LURAP1L: variants seen among roughly 807,000 people sequenced by gnomAD.
The protein encoded by LURAP1L is leucine rich adaptor protein 1 like, also known as leucine rich adaptor protein 1-like.
In LURAP1L, 12 loss-of-function variants were observed where a neutral mutation model predicts 13.8. That is an observed-to-expected ratio of 0.87 (90% CI 0.56 to 1.41). The LOEUF (loss-of-function observed/expected upper bound fraction) is 1.41. Among genes scored for constraint, LURAP1L ranks in the 40% most tolerant of loss-of-function variants. The probability of loss-of-function intolerance (pLI) is 0.00; values close to 1 mark genes in which losing one functional copy is unlikely to be tolerated. For missense variants in LURAP1L, 375 were observed against 292.9 expected, an observed-to-expected ratio of 1.28 and a Z score of -2.04; for synonymous variants, 139 against 119.2, an observed-to-expected ratio of 1.17 and a Z score of -1.08.
At chr9:12,819,340 C>T (rs1217541622) in intron 1 of LURAP1L, among the ~76,000 whole-genome samples, 2 of 152,080 alleles carry the variant, frequency 1.3e-5, no homozygotes, top group African/African-American at 2.4e-5. Flanking sequence ...TCTTTTGAAA[C>T]CTGTACAATC....
At chr9:12,814,105 G>A (rs1347654485) in intron 1 of LURAP1L, among the ~76,000 whole-genome samples, 2 of 152,130 alleles carry the variant, frequency 1.3e-5, no homozygotes. Context: ...ATGTGTGTGT[G>A]TGCATGTTTA....
Position 12,802,544 on chromosome 9 carries a change from C to T in LURAP1L, c.313-18842C>T, listed in dbSNP as rs559814379. Among the ~76,000 whole-genome samples the T allele has an allele frequency of 3.5e-4, 53 of 152,294 alleles. No homozygotes were observed. The South Asian group carries it at 3.9e-3, about 11-fold the overall frequency. The stretch of plus-strand genomic sequence containing the variant: ...GGCCTCTCCAGAAGCTGAGCAGATA[C>T]CAGCTTCAGCTTCCTGTGCAGCCTT... On this transcript the variant is annotated intron_variant, in intron 1 of 1. Transcript: ENST00000319264.
At chr9:12,783,266 G>T (rs1586875037) in intron 1 of LURAP1L, among the ~76,000 whole-genome samples, 1 of 151,792 alleles carries the variant, frequency 6.6e-6, no homozygotes, top group East Asian at 1.9e-4. Flanking sequence ...TGATGAAGTG[G>T]GCATCCTCCT....
intron 1 of LURAP1L, among the ~76,000 whole-genome samples, chr9:12,811,476 G>C (rs1435801800): frequency 2.0e-5 from 3 of 152,182 alleles, no homozygotes; most frequent in Admixed American, 6.5e-5. Context: ...GGAAAGAAAA[G>C]CTGTCCTCCT....
chr9:12,802,548 C>G (rs1293319338), intron 1 of LURAP1L, among the ~76,000 whole-genome samples: 3 of 152,208 alleles, frequency 2.0e-5, no homozygotes, highest in Admixed American at 6.5e-5. Flanking sequence ...CAGATACCAG[C>G]TTCAGCTTCC....
intron 1 of LURAP1L, among the ~76,000 whole-genome samples, chr9:12,777,047 A>G (rs1045632375): frequency 1.3e-5 from 2 of 152,154 alleles, no homozygotes; most frequent in East Asian, 1.9e-4. Flanking sequence ...AGAGAAAATA[A>G]TTTCATTAAA....
At chr9:12,803,029 A>T (rs1819608402) in intron 1 of LURAP1L, among the ~76,000 whole-genome samples, 1 of 152,170 alleles carries the variant, frequency 6.6e-6, no homozygotes, top group Non-Finnish European at 1.5e-5. Flanking sequence ...TCTCTGCTGC[A>T]TTACCACATA....
intron 1 of LURAP1L, among the ~76,000 whole-genome samples, chr9:12,808,530 T>C (rs573127410): frequency 1.4e-4 from 22 of 152,256 alleles, no homozygotes; most frequent in African/African-American, 5.3e-4. Flanking sequence ...GTCTTTTTTT[T>C]TAAGACGGGA....
chr9:12,800,728 T>C (rs777872879), intron 1 of LURAP1L, among the ~76,000 whole-genome samples: 2 of 152,202 alleles, frequency 1.3e-5, no homozygotes, highest in Non-Finnish European at 2.9e-5. Context: ...CTGCCGTGAT[T>C]CTAAGTTTCC....
chr9:12,803,980 T>A (rs1413795160), intron 1 of LURAP1L, among the ~76,000 whole-genome samples: 1 of 152,218 alleles, frequency 6.6e-6, no homozygotes, highest in Non-Finnish European at 1.5e-5. Context: ...GACAGAAACC[T>A]ATTAAAAATA....
At chr9:12,809,903 T>C (rs1819713406) in intron 1 of LURAP1L, among the ~76,000 whole-genome samples, 1 of 152,202 alleles carries the variant, frequency 6.6e-6, no homozygotes, top group African/African-American at 2.4e-5. Flanking sequence ...CCTGCAGTTC[T>C]TTTTGCTGTA....
intron 1 of LURAP1L, among the ~76,000 whole-genome samples, chr9:12,801,826 G>A (rs921475537): frequency 6.6e-6 from 1 of 152,168 alleles, no homozygotes; most frequent in Admixed American, 6.5e-5. Flanking sequence ...GTAATACTGG[G>A]TTTATAGGGA....
chr9:12,783,840 T>A (rs1259051398), intron 1 of LURAP1L, among the ~76,000 whole-genome samples: 24 of 151,642 alleles, frequency 1.6e-4, no homozygotes, highest in Non-Finnish European at 2.9e-5. Context: ...TTTTTTTTTT[T>A]TTAATAATTT....
At chr9:12,797,948 T>C (rs760271368) in intron 1 of LURAP1L, among the ~76,000 whole-genome samples, 13 of 152,144 alleles carry the variant, frequency 8.5e-5, no homozygotes, top group Admixed American at 5.9e-4. Context: ...GGAACCAACT[T>C]CAAATAGATA....
intron 1 of LURAP1L, among the ~76,000 whole-genome samples, chr9:12,795,364 A>C (rs572058419): frequency 6.6e-6 from 1 of 152,016 alleles, no homozygotes; most frequent in Non-Finnish European, 1.5e-5. Flanking sequence ...CGAGTGTAAG[A>C]GGTCAGTATT....
At chr9:12,813,212 G>A (rs1819761499) in intron 1 of LURAP1L, among the ~76,000 whole-genome samples, 1 of 152,108 alleles carries the variant, frequency 6.6e-6, no homozygotes, top group South Asian at 2.1e-4. Flanking sequence ...TTGTGAACTA[G>A]TTGCCAATCA....
intron 1 of LURAP1L, among the ~76,000 whole-genome samples, chr9:12,788,599 A>G (rs1225284512): frequency 6.6e-6 from 1 of 152,118 alleles, no homozygotes; most frequent in African/African-American, 2.4e-5. Context: ...TTATGTGAAT[A>G]TGATAGAAAT....
At chr9:12,801,668 T>C (rs181320105) in intron 1 of LURAP1L, among the ~76,000 whole-genome samples, 9 of 152,352 alleles carry the variant, frequency 5.9e-5, no homozygotes, top group East Asian at 3.9e-4. Context: ...TTATTGCATC[T>C]GAAAGTCATG....
chr9:12,797,043 A>C (rs1819520377), intron 1 of LURAP1L, among the ~76,000 whole-genome samples: 1 of 152,054 alleles, frequency 6.6e-6, no homozygotes, highest in South Asian at 2.1e-4. Flanking sequence ...CTTTCTTGTC[A>C]CTATGAAAGT....
Sources: gnomAD v4.1 joint callset for allele counts (sites outside exome capture counted in the v4.1 genomes callset) on GRCh38, gnomAD v4.1.1 for gene constraint, MANE v1.5 for transcripts, NCBI Gene and HGNC (gene_info 2026-07-23, HGNC 2026-07-21) for gene names.